The following MIR2052HG variants were observed in gnomAD, a reference collection of about 807,000 sequenced individuals.
The protein encoded by MIR2052HG is MIR2052 host gene.
At chr8:74,737,606 C>G (rs1343554757) in intron 4 of MIR2052HG, among the ~76,000 whole-genome samples, 1 of 152,094 alleles carries the variant, frequency 6.6e-6, no homozygotes, top group Non-Finnish European at 1.5e-5. Flanking sequence ...TCTTGTCACA[C>G]TTTTTGGCCT....
intron 1 of MIR2052HG, chr8:74,603,306 AC>A (rs1344993464): frequency 1.3e-6 from 2 of 1,594,776 alleles, no homozygotes; most frequent in Non-Finnish European, 1.7e-6. Context: ...TCCCCATGCC[AC>A]CCGTCTCCGA....
intron 5 of MIR2052HG, chr8:74,752,546 G>T (rs1809958925): frequency 1.1e-5 from 5 of 454,132 alleles, no homozygotes; most frequent in East Asian, 7.0e-5. Flanking sequence ...AAGTAGGAAA[G>T]ATATTTTCTC....
chr8:74,708,231 A>G lies in MIR2052HG; in HGVS notation n.371+4549A>G, dbSNP rs1192574324. On this transcript the variant is annotated intron_variant and non_coding_transcript_variant, in intron 4 of 6. Transcript: ENST00000523442. ...AATATCCTCTGCCAAAGGAGTCATC[A>G]TCTGAATGGGAAAACCTTTGCAAAA... Among the ~76,000 whole-genome samples, 4 of 152,178 alleles carry G rather than the reference A, an allele frequency of 2.6e-5. 1 individual carries two copies. The highest frequency in any genetic ancestry group is 4.8e-5 in the African/African-American group (2 of 41,462).
chr8:74,692,507 G>C (rs536546363), intron 2 of MIR2052HG, among the ~76,000 whole-genome samples: 2 of 152,150 alleles, frequency 1.3e-5, no homozygotes, highest in Non-Finnish European at 2.9e-5. Context: ...GCGTGATGAC[G>C]TAACTTCTGT....
intron 4 of MIR2052HG, among the ~76,000 whole-genome samples, chr8:74,731,898 T>C (rs1033882147): frequency 6.6e-6 from 1 of 152,142 alleles, no homozygotes; most frequent in Admixed American, 6.5e-5. Context: ...ATTATAGAAG[T>C]AGAACCCCAT....
chr8:74,673,935 T>G (rs2128738361), intron 2 of MIR2052HG, among the ~76,000 whole-genome samples: 1 of 135,722 alleles, frequency 7.4e-6, no homozygotes, highest in African/African-American at 3.3e-5. Context: ...TCTATCTATA[T>G]ATATTACTGC....
intron 4 of MIR2052HG, among the ~76,000 whole-genome samples, chr8:74,703,892 A>G (rs1034611883): frequency 4.6e-5 from 7 of 152,072 alleles, no homozygotes; most frequent in African/African-American, 1.7e-4. Context: ...TAGCACTGAT[A>G]AGCACCGGTG....
In MIR2052HG at chr8:74,732,230, A is replaced by G. The variant is rs547210356; in HGVS notation, n.372-20211A>G. Among the ~76,000 whole-genome samples the G allele has an allele frequency of 1.3e-4, 20 of 152,346 alleles. No individual in the cohort carries two copies. In the East Asian group the frequency reaches 3.7e-3, roughly 28 times the overall value. On this transcript the variant is annotated intron_variant and non_coding_transcript_variant, in intron 4 of 6. Coordinates refer to ENST00000523442, the Ensembl canonical transcript of MIR2052HG. ...TGACATCTACATAGTATTATGTATT[A>G]TAAGTAATCTAGAGATGATTCAAAG...
chr8:74,747,879 T>C (rs1469543027), intron 4 of MIR2052HG, among the ~76,000 whole-genome samples: 2 of 152,176 alleles, frequency 1.3e-5, no homozygotes, highest in East Asian at 3.8e-4. Context: ...TACAAATTCA[T>C]TCCCCCTAGA....
At chr8:74,681,069 G>T (rs946154490) in intron 2 of MIR2052HG, among the ~76,000 whole-genome samples, 3 of 113,920 alleles carry the variant, frequency 2.6e-5, no homozygotes, top group East Asian at 3.3e-4. Context: ...GTTGTGGGGT[G>T]GGGGGAGGGG....
At position 74,746,567 on chromosome 8, in the gene MIR2052HG, A is replaced by AGTGTGTGTGTGTGTGTGT. The variant is rs72103010; in HGVS notation, n.372-5859_372-5842dup. Among the ~76,000 whole-genome samples the AGTGTGTGTGTGTGTGTGT allele has an allele frequency of 1.2e-3, 180 of 147,640 alleles. 6 individuals are homozygous for AGTGTGTGTGTGTGTGTGT. The highest frequency in any genetic ancestry group is 9.9e-3 in the South Asian group (45 of 4,554). ...TAAAAGTAATTGTAAGAGGAGAAGA[A>AGTGTGTGTGTGTGTGTGT]GTGTGTGTGTGTGTGTGTGTGTGTG... is the stretch of plus-strand genomic sequence containing the variant. On this transcript the variant is annotated intron_variant and non_coding_transcript_variant, in intron 4 of 6. Coordinates refer to ENST00000523442, the Ensembl canonical transcript of MIR2052HG.
At chr8:74,701,341 G>T (rs1421957611) in intron 2 of MIR2052HG, among the ~76,000 whole-genome samples, 1 of 152,078 alleles carries the variant, frequency 6.6e-6, no homozygotes, top group East Asian at 1.9e-4. Flanking sequence ...TTAAAATGTA[G>T]TAAGCATTTG....
intron 4 of MIR2052HG, among the ~76,000 whole-genome samples, chr8:74,752,046 TGAGAC>T (rs1401736518): frequency 2.0e-5 from 3 of 152,112 alleles, no homozygotes; most frequent in African/African-American, 7.2e-5. Flanking sequence ...TTTGGGAGGC[TGAGAC>T]AAGAGGATCA....
intron 2 of MIR2052HG, among the ~76,000 whole-genome samples, chr8:74,697,073 C>T (rs1232910054): frequency 3.3e-5 from 5 of 151,996 alleles, no homozygotes; most frequent in Non-Finnish European, 7.4e-5. Context: ...ATACAAGAAT[C>T]CTCAACAAAA....
chr8:74,719,076 C>CT (rs56242876), intron 4 of MIR2052HG, among the ~76,000 whole-genome samples: 2,364 of 144,468 alleles, frequency 0.016, 37 homozygotes, highest in African/African-American at 0.04. Flanking sequence ...CCGTGTACAT[C>CT]TTTTTTTTTT....
chr8:74,698,441 G>A (rs956125098), intron 2 of MIR2052HG, among the ~76,000 whole-genome samples: 2 of 152,140 alleles, frequency 1.3e-5, no homozygotes, highest in Non-Finnish European at 2.9e-5. Context: ...CTAGACATTG[G>A]CTTAGGCAAA....
chr8:74,752,281 CA>C (rs34347449), intron 4 of MIR2052HG, among the ~76,000 whole-genome samples: 26,326 of 79,530 alleles, frequency 0.33, 2,165 homozygotes, highest in East Asian at 0.58. Context: ...GATCCTGTCT[CA>C]AAAAAAAAAA....
chr8:74,601,353 A>G (rs7011501), intron 1 of MIR2052HG, among the ~76,000 whole-genome samples: 1,966 of 152,262 alleles, frequency 0.013, 42 homozygotes, highest in African/African-American at 0.044. Flanking sequence ...GCTATTCTGT[A>G]TAAGAGAGTG....
At chr8:74,734,819 G>A (rs1454744447) in intron 4 of MIR2052HG, among the ~76,000 whole-genome samples, 1 of 152,228 alleles carries the variant, frequency 6.6e-6, no homozygotes, top group Non-Finnish European at 1.5e-5. Flanking sequence ...TGGTTTCAGA[G>A]GGGATCCAAC....
Sources: gnomAD v4.1 joint callset for allele counts (sites outside exome capture counted in the v4.1 genomes callset) on GRCh38, gnomAD v4.1.1 for gene constraint, MANE v1.5 for transcripts, NCBI Gene and HGNC (gene_info 2026-07-23, HGNC 2026-07-21) for gene names.